Variants in PPP2R5E observed in about 807,000 individuals in gnomAD.
The protein encoded by PPP2R5E is protein phosphatase 2 regulatory subunit B'epsilon.
A neutral mutation model predicts 65.3 loss-of-function variants in PPP2R5E; 4 were observed. The ratio of observed to expected loss-of-function variants is 0.06; its 90% confidence interval spans 0.03 to 0.14. The LOEUF is 0.14. PPP2R5E is among the 10% of genes least tolerant of loss of function. The probability of loss-of-function intolerance (pLI) is 1.00; values close to 1 mark genes in which losing one functional copy is unlikely to be tolerated. For missense variants in PPP2R5E, 274 were observed against 556.1 expected (o/e 0.49, Z 5.10); for synonymous variants, 183 against 187.4 (o/e 0.98, Z 0.19).
intron 12 of PPP2R5E, among the ~76,000 whole-genome samples, chr14:63,382,637 G>A (rs974236956): frequency 6.6e-6 from 1 of 152,266 alleles, no homozygotes; most frequent in East Asian, 1.9e-4. Context: ...CCAACCTCAG[G>A]TGATCTGCCT....
intron 2 of PPP2R5E, among the ~76,000 whole-genome samples, chr14:63,536,879 G>A (rs1893688147): frequency 6.6e-6 from 1 of 152,118 alleles, no homozygotes; most frequent in African/African-American, 2.4e-5. Flanking sequence ...GGGGAAACAG[G>A]GAGTCAGTGT....
At chr14:63,507,449 C>T (rs1892242148) in intron 2 of PPP2R5E, among the ~76,000 whole-genome samples, 1 of 151,218 alleles carries the variant, frequency 6.6e-6, no homozygotes, top group Admixed American at 6.6e-5. Context: ...GTACGATTAA[C>T]TTTACTAAAA....
chr14:63,385,842 G>C (rs1006258127), intron 11 of PPP2R5E, among the ~76,000 whole-genome samples: 1 of 152,190 alleles, frequency 6.6e-6, no homozygotes, highest in Non-Finnish European at 1.5e-5. Context: ...CAAGCCAGGA[G>C]ATGTCTGCTC....
At chr14:63,380,203 C>G (rs1426878191) in intron 13 of PPP2R5E, among the ~76,000 whole-genome samples, 3 of 152,146 alleles carry the variant, frequency 2.0e-5, no homozygotes, top group Admixed American at 2.0e-4. Context: ...TAATAATGTG[C>G]TTTCAGAGAA....
Position 63,379,826 on chromosome 14 carries a change from C to CTCTTTTTT in PPP2R5E, c.1304+2229_1304+2230insAAAAAAGA, listed in dbSNP as rs528081976. On this transcript the variant is annotated intron_variant, in intron 13 of 13. Coordinates refer to ENST00000337537, the MANE Select transcript of PPP2R5E (RefSeq NM_006246.5). The stretch of plus-strand genomic sequence containing the variant: ...TAAGTTGTTCTTCAATATTCTCTCT[C>CTCTTTTTT]TTTTTTTTTTTTTTTTTTTTTTTTT... 1.9e-4 allele frequency among the ~76,000 whole-genome samples: 19 copies of CTCTTTTTT among 100,280 alleles called. 1 individual carries two copies. The highest frequency in any genetic ancestry group is 9.9e-4 in the African/African-American group (19 of 19,170). The allele number at this position is 100,280 out of a possible 152,430, so 65.8% of individuals were successfully genotyped here. A position where few individuals can be genotyped will look rare whatever the true frequency, so the allele number is the denominator to read the frequency against.
intron 3 of PPP2R5E, among the ~76,000 whole-genome samples, chr14:63,432,725 A>G (rs920195889): frequency 1.6e-4 from 25 of 152,164 alleles, no homozygotes; most frequent in Non-Finnish European, 7.4e-5. Flanking sequence ...AAGACATTTG[A>G]GCTGGCCCCC....
At chr14:63,527,760 C>T (rs1008606903) in intron 2 of PPP2R5E, among the ~76,000 whole-genome samples, 4 of 151,914 alleles carry the variant, frequency 2.6e-5, no homozygotes, top group African/African-American at 9.7e-5. Flanking sequence ...ATGGCAAAAC[C>T]CCATCTATAC....
At chr14:63,525,446 G>A (rs1893151205) in intron 2 of PPP2R5E, among the ~76,000 whole-genome samples, 1 of 152,090 alleles carries the variant, frequency 6.6e-6, no homozygotes, top group East Asian at 1.9e-4. Flanking sequence ...TCAAAAATCA[G>A]GAAAGACATA....
At chr14:63,507,838 A>G (rs1892280114) in intron 2 of PPP2R5E, among the ~76,000 whole-genome samples, 1 of 152,170 alleles carries the variant, frequency 6.6e-6, no homozygotes, top group Non-Finnish European at 1.5e-5. Flanking sequence ...TCGGCCTCCC[A>G]AAGTGCTGGG....
At chr14:63,518,105 TCA>T (rs760004487) in intron 2 of PPP2R5E, among the ~76,000 whole-genome samples, 2 of 152,208 alleles carry the variant, frequency 1.3e-5, no homozygotes, top group Non-Finnish European at 2.9e-5. Flanking sequence ...AGACAGGATC[TCA>T]CTCTGTCACC....
intron 3 of PPP2R5E, among the ~76,000 whole-genome samples, chr14:63,447,978 T>C (rs556250810): frequency 1.3e-5 from 2 of 152,312 alleles, no homozygotes; most frequent in Middle Eastern, 3.4e-3. Context: ...TAGGGGCACA[T>C]TTCATGGTGT....
intron 2 of PPP2R5E, among the ~76,000 whole-genome samples, chr14:63,534,252 CCTG>C (rs1374999518): frequency 2.0e-5 from 3 of 152,022 alleles, no homozygotes; most frequent in Admixed American, 2.0e-4. Context: ...TGCTTCATGT[CCTG>C]CTGTGTAAGT....
rs567776422 is a variant in PPP2R5E at position 63,374,074 on chromosome 14, T to C, written c.*1935A>G. ...CGTCTGGTGTTGCATATGACTTTTT[T>C]TTTTTACTGCTTTTTTTTTTCTTTT... On this transcript the variant is annotated 3_prime_UTR_variant, in exon 14 of 14. Transcript: ENST00000337537. 1 of 151,790 alleles carries C rather than the reference T, an allele frequency of 6.6e-6. No homozygotes were observed. Among genetic ancestry groups the C allele is most frequent in the Non-Finnish European group, 1.5e-5 (1 of 67,922 alleles). 9.4% of individuals were successfully genotyped at this position (151,790 alleles called of 1,614,324 possible). A position where few individuals can be genotyped will look rare whatever the true frequency, so the allele number is the denominator to read the frequency against.
intron 3 of PPP2R5E, among the ~76,000 whole-genome samples, chr14:63,435,475 C>T (rs1401352032): frequency 6.6e-6 from 1 of 152,154 alleles, no homozygotes; most frequent in African/African-American, 2.4e-5. Context: ...CACAGGCCAT[C>T]CTGGGTTATA....
At chr14:63,535,820 C>T (rs567754425) in intron 2 of PPP2R5E, among the ~76,000 whole-genome samples, 4 of 152,276 alleles carry the variant, frequency 2.6e-5, no homozygotes, top group Admixed American at 1.3e-4. Flanking sequence ...AAATCAATAA[C>T]TACCCTTAGC....
intron 3 of PPP2R5E, among the ~76,000 whole-genome samples, chr14:63,434,772 A>C (rs1006115821): frequency 1.3e-5 from 2 of 152,180 alleles, no homozygotes; most frequent in Admixed American, 1.3e-4. Flanking sequence ...CTATTTTTTT[A>C]ACCCTTTGGA....
At chr14:63,538,258 T>C (rs1893754142) in intron 2 of PPP2R5E, among the ~76,000 whole-genome samples, 1 of 127,052 alleles carries the variant, frequency 7.9e-6, no homozygotes, top group African/African-American at 4.0e-5. Flanking sequence ...CAACCTGCAC[T>C]TTCTTTTTTT....
rs111840458 is a variant in PPP2R5E, at chr14:63,441,471, G to A, written c.354+12218C>T. The stretch of plus-strand genomic sequence containing the variant: ...TTACTGCCAGAAATGGGGGGACCCC[G>A]TTCCTTTCCAATCTTGTACTCTCCA... On this transcript the variant is annotated intron_variant, in intron 3 of 13. Coordinates refer to ENST00000337537, the MANE Select transcript of PPP2R5E (RefSeq NM_006246.5). 2.1e-3 allele frequency among the ~76,000 whole-genome samples: 315 copies of A among 152,330 alleles called. 4 individuals are homozygous for A. The highest frequency in any genetic ancestry group is 7.0e-3 in the African/African-American group (291 of 41,578).
chr14:63,424,958 G>GTT (rs1566692358), intron 3 of PPP2R5E, among the ~76,000 whole-genome samples: 1 of 152,152 alleles, frequency 6.6e-6, no homozygotes, highest in Non-Finnish European at 1.5e-5. Context: ...GCATAGAGCC[G>GTT]TATCTATTGG....
Sources: gnomAD v4.1 joint callset for allele counts (sites outside exome capture counted in the v4.1 genomes callset) on GRCh38, gnomAD v4.1.1 for gene constraint, MANE v1.5 for transcripts, NCBI Gene and HGNC (gene_info 2026-07-23, HGNC 2026-07-21) for gene names.